The following ZNF536 variants were observed in gnomAD, a reference collection of about 807,000 sequenced individuals.
The protein encoded by ZNF536 is zinc finger protein 536.
In ZNF536, 13 loss-of-function variants were observed where a neutral mutation model predicts 84.5. The observed-to-expected ratio is 0.15, with a 90% confidence interval of 0.10 to 0.24. The LOEUF (loss-of-function observed/expected upper bound fraction) is 0.24. Ranked by LOEUF, ZNF536 falls within the 10% of genes least tolerant of loss-of-function variation. ZNF536 has a pLI of 1.00. For synonymous variants in ZNF536, 811 were observed against 742.5 expected (o/e 1.09, Z -1.50); for missense variants, 1,536 against 1,747.5 (o/e 0.88, Z 2.16).
chr19:30,603,521 C>T (rs2047765703), intron 1 of ZNF536, among the ~76,000 whole-genome samples: 1 of 152,136 alleles, frequency 6.6e-6, no homozygotes, highest in Non-Finnish European at 1.5e-5. Flanking sequence ...TGAAGGGAAT[C>T]TTGGTATTCA....
intron 1 of ZNF536, among the ~76,000 whole-genome samples, chr19:30,638,543 C>A (rs767691352): frequency 2.6e-5 from 4 of 152,180 alleles, no homozygotes; most frequent in Admixed American, 2.6e-4. Flanking sequence ...AACTTACTCA[C>A]TGTCACAAGA....
At chr19:30,318,524 G>C (rs1013107317) in intron 2 of ZNF536, among the ~76,000 whole-genome samples, 2 of 152,116 alleles carry the variant, frequency 1.3e-5, no homozygotes, top group Non-Finnish European at 2.9e-5. Context: ...ACTGCAGAGA[G>C]GCCTTGGAGT....
chr19:30,363,853 A>T (rs149929910), intron 3 of ZNF536, among the ~76,000 whole-genome samples: 82 of 152,234 alleles, frequency 5.4e-4, no homozygotes, highest in African/African-American at 1.8e-3. Context: ...ATATTCACCA[A>T]TCGAGATGGG....
At position 30,437,539 on chromosome 19, in the gene ZNF536, G is replaced by A. The variant is rs186334152; in HGVS notation, c.-2-6022G>A. On this transcript the variant is annotated intron_variant, in intron 1 of 4. Transcript: ENST00000355537. The stretch of plus-strand genomic sequence containing the variant: ...CTGTAATGTTTGGAAGCCTTCACCC[G>A]GGGCCCCTGCCTGTGTTTAGAGGTG... Among the ~76,000 whole-genome samples the A allele has an allele frequency of 3.0e-3, 458 of 152,142 alleles. 7 individuals carry two copies. The highest frequency in any genetic ancestry group is 5.2e-3 in the East Asian group (27 of 5,174).
At chr19:30,256,397 G>A (rs1438985470) in intron 1 of ZNF536, among the ~76,000 whole-genome samples, 2 of 152,098 alleles carry the variant, frequency 1.3e-5, no homozygotes, top group Admixed American at 6.5e-5. Context: ...TTACGAGCCC[G>A]GTTTGCTATT....
intron 1 of ZNF536, among the ~76,000 whole-genome samples, chr19:30,574,149 C>G (rs909646874): frequency 6.6e-6 from 1 of 152,152 alleles, no homozygotes; most frequent in Admixed American, 6.5e-5. Context: ...ATTAAAAGGT[C>G]AAATTAGGAA....
chr19:30,619,153 G>A (rs994938563), intron 1 of ZNF536, among the ~76,000 whole-genome samples: 5 of 151,424 alleles, frequency 3.3e-5, no homozygotes, highest in African/African-American at 7.3e-5. Context: ...CTTTTTTTTC[G>A]GGTGCACTAG....
intron 1 of ZNF536, among the ~76,000 whole-genome samples, chr19:30,255,008 C>G (rs1416152159): frequency 6.6e-6 from 1 of 152,120 alleles, no homozygotes; most frequent in African/African-American, 2.4e-5. Context: ...TGGTTAAATT[C>G]GTTGTCTTAT....
At chr19:30,240,312 G>A (rs1432159650) in intron 1 of ZNF536, among the ~76,000 whole-genome samples, 2 of 152,046 alleles carry the variant, frequency 1.3e-5, no homozygotes, top group African/African-American at 4.8e-5. Flanking sequence ...GGCAGAGGTT[G>A]CAGTGAGCCA....
chr19:30,270,712 G>T (rs1412970111), intron 1 of ZNF536, among the ~76,000 whole-genome samples: 1 of 150,826 alleles, frequency 6.6e-6, no homozygotes, highest in African/African-American at 2.4e-5. Context: ...ATTTAAAAAT[G>T]CATCTCACAA....
chr19:30,322,660 GA>G (rs2046895806), intron 2 of ZNF536, among the ~76,000 whole-genome samples: 1 of 152,156 alleles, frequency 6.6e-6, no homozygotes, highest in Non-Finnish European at 1.5e-5. Flanking sequence ...CTTTGTAGCT[GA>G]AACAATGCAT....
chr19:30,523,699 A>G (rs1316725543), intron 2 of ZNF536, among the ~76,000 whole-genome samples: 1 of 151,346 alleles, frequency 6.6e-6, no homozygotes, highest in African/African-American at 2.4e-5. Flanking sequence ...TTTTTTTTTA[A>G]TGCCTGCACC....
At chr19:30,504,142 A>G (rs1265274744) in intron 2 of ZNF536, among the ~76,000 whole-genome samples, 1 of 152,052 alleles carries the variant, frequency 6.6e-6, no homozygotes, top group African/African-American at 2.4e-5. Flanking sequence ...AAGTGTGGAG[A>G]ACTACAAAAC....
intron 2 of ZNF536, among the ~76,000 whole-genome samples, chr19:30,469,136 C>G (rs567786381): frequency 6.6e-6 from 1 of 152,072 alleles, no homozygotes; most frequent in African/African-American, 2.4e-5. Context: ...AAGGAATGAC[C>G]GGGCACGGTA....
chr19:30,400,692 A>T (rs952690371), intron 1 of ZNF536, among the ~76,000 whole-genome samples: 1 of 152,056 alleles, frequency 6.6e-6, no homozygotes, highest in African/African-American at 2.4e-5. Flanking sequence ...CTCCTAAGTG[A>T]GCAGATGAGA....
At chr19:30,623,849 T>G (rs1238106722) in intron 1 of ZNF536, among the ~76,000 whole-genome samples, 1 of 152,222 alleles carries the variant, frequency 6.6e-6, no homozygotes, top group Non-Finnish European at 1.5e-5. Flanking sequence ...GCACTCTGAA[T>G]AGTGTCTGGT....
At chr19:30,310,951 C>A (rs1224647337) in intron 2 of ZNF536, among the ~76,000 whole-genome samples, 1 of 152,222 alleles carries the variant, frequency 6.6e-6, no homozygotes, top group East Asian at 1.9e-4. Flanking sequence ...GACTCAGGGC[C>A]CCGGCTCCCT....
intron 2 of ZNF536, among the ~76,000 whole-genome samples, chr19:30,503,087 C>A (rs1386437557): frequency 6.6e-6 from 1 of 152,026 alleles, no homozygotes; most frequent in East Asian, 1.9e-4. Context: ...GCAAATTATG[C>A]TACTCAATAA....
intron 2 of ZNF536, among the ~76,000 whole-genome samples, chr19:30,517,365 T>C (rs987345744): frequency 1.3e-5 from 2 of 152,000 alleles, no homozygotes; most frequent in African/African-American, 4.8e-5. Context: ...TCGGCTGAGA[T>C]GGCAAATTCA....
Sources: allele counts gnomAD v4.1 joint callset (sites outside exome capture counted in the v4.1 genomes callset), GRCh38; gene constraint gnomAD v4.1.1; transcripts MANE v1.5; gene names NCBI Gene and HGNC (gene_info 2026-07-23, HGNC 2026-07-21).